Variants in DPYD observed in about 807,000 individuals in gnomAD.
The protein encoded by DPYD is dihydropyrimidine dehydrogenase.
In DPYD, 109 loss-of-function variants were observed where a neutral mutation model predicts 116.2. That is an observed-to-expected ratio of 0.94 (90% CI 0.80 to 1.10). DPYD has a LOEUF of 1.10. DPYD is among the 50% of genes least tolerant of loss of function. The pLI is 0.00. For synonymous variants in DPYD, 440 were observed against 432.0 expected (o/e 1.02, Z -0.23); for missense variants, 1,302 against 1,254.5 (o/e 1.04, Z -0.57).
intron 16 of DPYD, among the ~76,000 whole-genome samples, chr1:97,331,393 G>C (rs1009069209): frequency 6.6e-6 from 1 of 152,128 alleles, no homozygotes; most frequent in Non-Finnish European, 1.5e-5. Context: ...CAGGAGGCTC[G>C]CTTGAGCCCA....
At chr1:97,139,263 G>A (rs964749636) in intron 20 of DPYD, among the ~76,000 whole-genome samples, 10 of 152,098 alleles carry the variant, frequency 6.6e-5, no homozygotes, top group East Asian at 1.9e-4. Flanking sequence ...TTCTGATGCT[G>A]TAGCTGGATT....
chr1:97,626,575 T>C (rs1408542068), intron 8 of DPYD, among the ~76,000 whole-genome samples: 1 of 152,056 alleles, frequency 6.6e-6, no homozygotes, highest in African/African-American at 2.4e-5. Flanking sequence ...CCATCTATAG[T>C]TTCTGAATGT....
At chr1:97,338,351 C>A (rs1164862760) in intron 16 of DPYD, among the ~76,000 whole-genome samples, 1 of 152,096 alleles carries the variant, frequency 6.6e-6, no homozygotes, top group Non-Finnish European at 1.5e-5. Flanking sequence ...CCACTGAAGC[C>A]TTGAGTTTCC....
At chr1:97,152,177 C>A (rs1289991610) in intron 20 of DPYD, among the ~76,000 whole-genome samples, 3 of 152,152 alleles carry the variant, frequency 2.0e-5, no homozygotes, top group Admixed American at 2.0e-4. Flanking sequence ...TCATAGGAAG[C>A]ATTTCAAACA....
chr1:97,102,710 A>G (rs533057931), intron 20 of DPYD, among the ~76,000 whole-genome samples: 2 of 152,024 alleles, frequency 1.3e-5, no homozygotes, highest in South Asian at 4.1e-4. Context: ...GTCCTGTGCT[A>G]CACTAAAGGC....
chr1:97,471,967 TA>T (rs1028057076), intron 13 of DPYD, among the ~76,000 whole-genome samples: 2 of 152,008 alleles, frequency 1.3e-5, no homozygotes, highest in African/African-American at 4.8e-5. Flanking sequence ...GTGGAAAATG[TA>T]AAAAAAGAGA....
intron 16 of DPYD, among the ~76,000 whole-genome samples, chr1:97,348,657 A>G (rs1669977485): frequency 6.6e-6 from 1 of 152,166 alleles, no homozygotes; most frequent in South Asian, 2.1e-4. Context: ...AGGGCCTACA[A>G]TTTCTGTCCT....
chr1:97,718,008 C>T (rs547670580), intron 5 of DPYD, among the ~76,000 whole-genome samples: 8 of 152,078 alleles, frequency 5.3e-5, no homozygotes, highest in Admixed American at 2.0e-4. Context: ...CTGGATCCAA[C>T]GTTAGATCAA....
At chr1:97,409,036 A>G (rs2018902) in intron 14 of DPYD, among the ~76,000 whole-genome samples, 21,682 of 152,012 alleles carry the variant, frequency 0.14, 1,798 homozygotes, top group African/African-American at 0.23. Flanking sequence ...ACGGCCTATC[A>G]TGGGACTTCA....
intron 3 of DPYD, among the ~76,000 whole-genome samples, chr1:97,776,775 G>C (rs970955731): frequency 6.6e-6 from 1 of 152,096 alleles, no homozygotes; most frequent in South Asian, 2.1e-4. Context: ...CTACGTTTTG[G>C]AGCACAACAA....
At chr1:97,389,946 C>CT (rs1238525576) in intron 14 of DPYD, among the ~76,000 whole-genome samples, 3 of 150,770 alleles carry the variant, frequency 2.0e-5, no homozygotes, top group Non-Finnish European at 4.4e-5. Flanking sequence ...TAATGGTCAA[C>CT]TTTTTTTGTT....
At chr1:97,388,258 T>TA (rs1672473987) in intron 14 of DPYD, among the ~76,000 whole-genome samples, 1 of 152,092 alleles carries the variant, frequency 6.6e-6, no homozygotes, top group Non-Finnish European at 1.5e-5. Flanking sequence ...ATTTTAATAT[T>TA]TTATATTTAG....
intron 9 of DPYD, among the ~76,000 whole-genome samples, chr1:97,593,795 A>G (rs1379422195): frequency 1.3e-5 from 2 of 152,180 alleles, no homozygotes; most frequent in Non-Finnish European, 2.9e-5. Flanking sequence ...TCATTATAAT[A>G]CTTTTTTATG....
chr1:97,665,899 T>A (rs1029061334), intron 8 of DPYD, among the ~76,000 whole-genome samples: 7 of 152,262 alleles, frequency 4.6e-5, no homozygotes, highest in African/African-American at 1.7e-4. Flanking sequence ...CTGGCTGAAG[T>A]CAATAGGTGC....
chr1:97,513,232 A>C (rs559727300), intron 13 of DPYD, among the ~76,000 whole-genome samples: 3 of 151,690 alleles, frequency 2.0e-5, no homozygotes, highest in African/African-American at 7.3e-5. Flanking sequence ...AACTCCCAAA[A>C]AAATAAAAAA....
chr1:97,318,605 G>C (rs1668016666), intron 16 of DPYD, among the ~76,000 whole-genome samples: 1 of 151,750 alleles, frequency 6.6e-6, no homozygotes, highest in African/African-American at 2.4e-5. Context: ...CCTACAAAGA[G>C]ACTTAGACTC....
intron 2 of DPYD, among the ~76,000 whole-genome samples, chr1:97,839,427 G>T (rs1669935110): frequency 6.6e-6 from 1 of 151,994 alleles, no homozygotes; most frequent in African/African-American, 2.4e-5. Context: ...AGCTTTTTGT[G>T]TGGGGTATGT....
In DPYD at chr1:97,136,233, T is replaced by TAA. The variant is rs1465951895; in HGVS notation, c.2623-37603_2623-37602dup. Among the ~76,000 whole-genome samples the TAA allele has an allele frequency of 1.5e-4, 23 of 152,332 alleles. No individual in the cohort carries two copies. The East Asian group carries it at 4.4e-3, about 29-fold the overall frequency. Reference sequence around the variant, plus strand: ...ATCAGAGTCTCCATTCATAAAACTCTAAGCTTTAAAAATGCTAGGAATCAT... The same window carrying TAA: ...ATCAGAGTCTCCATTCATAAAACTCTAAAAGCTTTAAAAATGCTAGGAATCAT... On this transcript the variant is annotated intron_variant, in intron 20 of 22. Transcript: ENST00000370192.
intron 20 of DPYD, among the ~76,000 whole-genome samples, chr1:97,099,965 T>A (rs1326450685): frequency 6.6e-6 from 1 of 152,108 alleles, no homozygotes; most frequent in Non-Finnish European, 1.5e-5. Context: ...TCATTATAAT[T>A]ATGTCAACAA....
Sources: allele counts gnomAD v4.1 joint callset (sites outside exome capture counted in the v4.1 genomes callset), GRCh38; gene constraint gnomAD v4.1.1; transcripts MANE v1.5; gene names NCBI Gene and HGNC (gene_info 2026-07-23, HGNC 2026-07-21).